SIN3A: variants seen among roughly 807,000 people sequenced by gnomAD.
SIN3A encodes SIN3 transcription regulator family member A.
SIN3A carries 14 observed loss-of-function variants against 146.1 expected under a neutral mutation model. The ratio of observed to expected loss-of-function variants is 0.10; its 90% CI spans 0.06 to 0.15. SIN3A has a LOEUF of 0.15. Among genes scored for constraint, SIN3A ranks in the 10% least tolerant of loss-of-function variants. The pLI is 1.00. For missense variants in SIN3A, 1,028 were observed against 1,576.0 expected (o/e 0.65, Z 5.89); for synonymous variants, 572 against 572.0 (o/e 1.00, Z 0.00).
chr15:75,454,683 GCGCCCC>G (rs925531170), upstream of SIN3A, among the ~76,000 whole-genome samples: 2 of 148,928 alleles, frequency 1.3e-5, no homozygotes, highest in Non-Finnish European at 3.0e-5. Flanking sequence ...GCACACGCCC[GCGCCCC>G]CGCCCCCGCC....
chr15:75,408,944 C>T (rs940857552), intron 8 of SIN3A, among the ~76,000 whole-genome samples: 1 of 152,230 alleles, frequency 6.6e-6, no homozygotes, highest in Non-Finnish European at 1.5e-5. Flanking sequence ...TGGCTCACGC[C>T]TGTAATTCCA....
chr15:75,392,527 C>T lies in SIN3A; in HGVS notation c.2566G>A (p.Gly856Ser). Reference sequence around the variant, plus strand: ...GACTTAGGGGGACTGCCCCCAACACCATTGTGCTTCTTAACTGCCCCTGTG... The same window carrying T: ...GACTTAGGGGGACTGCCCCCAACACTATTGTGCTTCTTAACTGCCCCTGTG... ...EATGAVKKHN[G>S]VGGSPPKSKL... The change falls in exon 15 of 21, where the codon GGT (glycine) becomes AGT (serine). Residue 856 changes from glycine (G) to serine (S), a missense_variant. Around this residue, in one of 9 missense-constraint regions of SIN3A, gnomAD observed 488 missense variants for 690.2 expected, o/e 0.71. Transcript: ENST00000394947. 1.2e-6 allele frequency: 2 copies of T among 1,614,132 alleles called. No homozygotes were observed. Among genetic ancestry groups the T allele is most frequent in the Non-Finnish European group, 1.7e-6 (2 of 1,180,030 alleles).
rs767339561 is a variant in SIN3A, at chr15:75,371,479, GAAAAAA to G, written c.*494_*499del. ...GATCTTAGATGTGCTCGAGTGACCA[GAAAAAA>G]AAAATCAAATCCAGCTTTTTTTTCC... On this transcript the variant is annotated 3_prime_UTR_variant, in exon 21 of 21. Transcript: ENST00000394947. The G allele has an allele frequency of 6.6e-6, 1 of 150,784 alleles. No individual in the cohort carries two copies. 9.3% of individuals were successfully genotyped at this position (150,784 alleles called of 1,614,324 possible).
Position 75,407,161 on chromosome 15 carries a change from C to G in SIN3A, c.1318-17G>C. ...GGGTTTCTTCTGCAAAAGAAAGATA[C>G]AAACATGTGAGATTCAACGAGTGGT... On this transcript the variant is annotated splice_polypyrimidine_tract_variant and intron_variant, in intron 8 of 20. Transcript: ENST00000394947. 1 of 1,545,856 alleles carries G rather than the reference C, an allele frequency of 6.5e-7. No homozygotes were observed. The highest frequency in any genetic ancestry group is 8.9e-7 in the Non-Finnish European group (1 of 1,122,086).
At chr15:75,396,548 T>A (rs1385176740) in intron 12 of SIN3A, 52 bp from the exon 13 acceptor site, 1 of 1,282,774 alleles carries the variant, frequency 7.8e-7, no homozygotes, top group Non-Finnish European at 1.1e-6. Context: ...CAAAATAGAA[T>A]AGAGTAGTGT....
chr15:75,399,293 C>A (rs893220234), intron 12 of SIN3A, among the ~76,000 whole-genome samples: 2 of 152,058 alleles, frequency 1.3e-5, no homozygotes, highest in Non-Finnish European at 2.9e-5. Flanking sequence ...CTTTGGGAGG[C>A]CGAGACGGGT....
At chr15:75,406,078 G>T (rs542615895) in intron 9 of SIN3A, among the ~76,000 whole-genome samples, 4 of 152,284 alleles carry the variant, frequency 2.6e-5, no homozygotes, top group African/African-American at 9.6e-5. Context: ...CTGCCCTTCT[G>T]CAAAACCCAA....
At position 75,371,610 on chromosome 15, in the gene SIN3A, T is replaced by C. The variant is rs2072752909; in HGVS notation, c.*369A>G. 4.8e-6 allele frequency: 1 copy of C among 209,630 alleles called. No homozygotes were observed. The highest frequency in any genetic ancestry group is 9.5e-6 in the Non-Finnish European group (1 of 105,758). The allele number at this position is 209,630 out of a possible 1,614,324, so 13.0% of individuals were successfully genotyped here. Reference sequence around the variant, plus strand: ...GTTTTGTAAATGCATCTCCATCCAGTCAAAGTGTGAACAGCATCCGGTTCC... The same window carrying C: ...GTTTTGTAAATGCATCTCCATCCAGCCAAAGTGTGAACAGCATCCGGTTCC... On this transcript the variant is annotated 3_prime_UTR_variant, in exon 21 of 21. Coordinates refer to ENST00000394947, the MANE Select transcript of SIN3A (RefSeq NM_001145358.2).
chr15:75,403,112 A>G (rs541761707), intron 9 of SIN3A, among the ~76,000 whole-genome samples: 1 of 151,888 alleles, frequency 6.6e-6, no homozygotes, highest in East Asian at 2.0e-4. Flanking sequence ...TCATTTTACT[A>G]TTCTGTTTAT....
chr15:75,449,800 G>C (rs2074370285), intron 1 of SIN3A, among the ~76,000 whole-genome samples: 1 of 152,176 alleles, frequency 6.6e-6, no homozygotes, highest in African/African-American at 2.4e-5. Flanking sequence ...TGTTTTTTGA[G>C]GCGGAGTTTT....
chr15:75,427,133 GAGGT>G (rs2073938402), intron 2 of SIN3A, among the ~76,000 whole-genome samples: 1 of 148,920 alleles, frequency 6.7e-6, no homozygotes, highest in Non-Finnish European at 1.5e-5. Flanking sequence ...AGCACTTTGG[GAGGT>G]CAAGGCAGGC....
intron 17 of SIN3A, chr15:75,383,924 T>C (rs1365693187): frequency 6.4e-6 from 1 of 156,824 alleles, no homozygotes; most frequent in Non-Finnish European, 1.4e-5. Context: ...GCCTATGTTT[T>C]CTTTTCTATA....
rs766193825 is a variant in SIN3A at position 75,412,992 on chromosome 15, G to C, written c.527C>G (p.Pro176Arg). The C allele has an allele frequency of 1.9e-6, 3 of 1,614,016 alleles. No homozygotes were observed. The highest frequency in any genetic ancestry group is 2.5e-6 in the Non-Finnish European group (3 of 1,179,950). Residue 176 changes from proline to arginine, a missense_variant, in exon 5 of 21, where the codon CCC (proline) becomes CGC (arginine). By Grantham distance (103) the Pro-to-Arg change is moderately radical. This residue lies in a region of SIN3A where 152 missense variants were observed against 231.5 expected (regional missense o/e 0.66). Transcript: ENST00000394947. ...GGTGTTGAATCCCATTATCAGATCG[G>C]GGTGGCCTTTGAATAGCTGGGACAC... Reference protein sequence around the residue: ...SRVSQLFKGHPDLIMGFNTFL... With the variant: ...SRVSQLFKGHRDLIMGFNTFL...
intron 15 of SIN3A, among the ~76,000 whole-genome samples, chr15:75,391,502 T>TA (rs35832447): frequency 0.39 from 51,098 of 129,436 alleles, 9,910 homozygotes; most frequent in African/African-American, 0.56. Context: ...CAGCAACACA[T>TA]AAAAAAAAAA....
intron 10 of SIN3A, 98 bp from the exon 11 acceptor site, chr15:75,401,038 T>TA: frequency 1.3e-6 from 1 of 791,696 alleles, no homozygotes; most frequent in Non-Finnish European, 2.1e-6. Flanking sequence ...AGAAATCTGC[T>TA]ACCAGGGATG....
intron 19 of SIN3A, among the ~76,000 whole-genome samples, chr15:75,376,859 T>TAAAAA (rs200318256): frequency 2.6e-5 from 3 of 115,810 alleles, no homozygotes; most frequent in African/African-American, 6.4e-5. Flanking sequence ...GACACTGTCT[T>TAAAAA]AAAAAAAAAA....
intron 2 of SIN3A, among the ~76,000 whole-genome samples, chr15:75,428,165 G>T (rs1252784635): frequency 6.6e-6 from 1 of 152,166 alleles, no homozygotes; most frequent in Non-Finnish European, 1.5e-5. Context: ...ACTTGCTAAA[G>T]ATGCATATAC....
chr15:75,435,423 T>C (rs2074089693), intron 1 of SIN3A, among the ~76,000 whole-genome samples: 3 of 152,160 alleles, frequency 2.0e-5, no homozygotes. Context: ...CTAGGCCGGA[T>C]GCAGTGGCTT....
chr15:75,427,030 T>C (rs1431790085), intron 2 of SIN3A, among the ~76,000 whole-genome samples: 5 of 151,652 alleles, frequency 3.3e-5, no homozygotes, highest in Admixed American at 2.6e-4. Flanking sequence ...TGGGAGAAAA[T>C]CTGAGGTGTG....
Sources: allele counts gnomAD v4.1 joint callset (sites outside exome capture counted in the v4.1 genomes callset), GRCh38; gene constraint gnomAD v4.1.1; regional missense constraint gnomAD v4.1.1; transcripts MANE v1.5; gene names NCBI Gene and HGNC (gene_info 2026-07-23, HGNC 2026-07-21).